GNG2: variants seen among roughly 807,000 people sequenced by gnomAD.
The protein encoded by GNG2 is guanine nucleotide-binding protein G(I)/G(S)/G(O) subunit gamma-2.
A neutral mutation model predicts 5.5 loss-of-function variants in GNG2; 5 were observed. The observed-to-expected ratio is 0.91, with a 90% CI of 0.48 to 1.92. The LOEUF is 1.92. Among genes scored for constraint, GNG2 ranks in the 30% most tolerant of loss-of-function variants. GNG2 has a pLI of 0.01. For synonymous variants in GNG2, 28 were observed against 32.0 expected, an observed-to-expected ratio of 0.88 and a Z score of 0.42; for missense variants, 55 against 88.4, an observed-to-expected ratio of 0.62 and a Z score of 1.52.
At chr14:51,866,307 C>G (rs1336636985) in intron 1 of GNG2, among the ~76,000 whole-genome samples, 1 of 152,170 alleles carries the variant, frequency 6.6e-6, no homozygotes, top group Non-Finnish European at 1.5e-5. Flanking sequence ...GCTGTTCTTT[C>G]AAAATTCTTT....
At chr14:51,828,419 A>G (rs1260106014) in intron 2 of GNG2, among the ~76,000 whole-genome samples, 1 of 152,188 alleles carries the variant, frequency 6.6e-6, no homozygotes, top group Non-Finnish European at 1.5e-5. Context: ...AACCTTGACA[A>G]CTTTTTGATA....
At chr14:51,932,684 C>T (rs559971017) in intron 2 of GNG2, among the ~76,000 whole-genome samples, 6 of 152,094 alleles carry the variant, frequency 3.9e-5, no homozygotes, top group Admixed American at 2.6e-4. Context: ...AGCAGATCAC[C>T]GAAGTCAAGT....
chr14:51,842,666 A>ATTTT (rs35183845), intron 2 of GNG2, among the ~76,000 whole-genome samples: 1 of 143,526 alleles, frequency 7.0e-6, no homozygotes, highest in Non-Finnish European at 1.5e-5. Context: ...ATTTGCCAGA[A>ATTTT]TTTTTTTTTT....
chr14:51,832,152 C>T (rs969558047), intron 2 of GNG2, among the ~76,000 whole-genome samples: 1 of 151,754 alleles, frequency 6.6e-6, no homozygotes, highest in Admixed American at 6.6e-5. Flanking sequence ...TGGTGGCACA[C>T]ACATATGGTT....
chr14:51,938,704 C>T (rs1004032424), intron 2 of GNG2, among the ~76,000 whole-genome samples: 1 of 152,176 alleles, frequency 6.6e-6, no homozygotes, highest in African/African-American at 2.4e-5. Context: ...GTGAATTTCA[C>T]ACAAGGGGGT....
intron 2 of GNG2, among the ~76,000 whole-genome samples, chr14:51,910,496 G>A (rs1007085522): frequency 6.6e-6 from 1 of 152,176 alleles, no homozygotes; most frequent in Non-Finnish European, 1.5e-5. Flanking sequence ...GGAAGGAAGG[G>A]GGAAAGTGAC....
intron 2 of GNG2, among the ~76,000 whole-genome samples, chr14:51,847,659 G>T (rs17124622): frequency 0.012 from 1,776 of 152,124 alleles, 37 homozygotes; most frequent in African/African-American, 0.041. Flanking sequence ...CCACCTACAG[G>T]CGGGTTGAGT....
intron 2 of GNG2, among the ~76,000 whole-genome samples, chr14:51,938,864 G>A (rs930683439): frequency 1.3e-5 from 2 of 152,214 alleles, no homozygotes; most frequent in Non-Finnish European, 2.9e-5. Flanking sequence ...GGGGTTGCCT[G>A]AGGTTTGAGA....
chr14:51,959,874 A>T (rs1051622786), intron 3 of GNG2, among the ~76,000 whole-genome samples: 1 of 152,070 alleles, frequency 6.6e-6, no homozygotes, highest in African/African-American at 2.4e-5. Flanking sequence ...AACATTCTCT[A>T]TATAACCACT....
intron 2 of GNG2, among the ~76,000 whole-genome samples, chr14:51,926,726 G>C (rs1161773657): frequency 6.6e-6 from 1 of 152,128 alleles, no homozygotes; most frequent in Admixed American, 6.5e-5. Context: ...GAATGGAAGC[G>C]TCTTAGCAGG....
At chr14:51,849,246 C>T (rs1176668649) in intron 2 of GNG2, among the ~76,000 whole-genome samples, 1 of 152,194 alleles carries the variant, frequency 6.6e-6, no homozygotes, top group Admixed American at 6.5e-5. Context: ...CACAGGGCAA[C>T]TTGAGTGACC....
intron 1 of GNG2, among the ~76,000 whole-genome samples, 177 bp downstream of exon 1, chr14:51,860,967 A>T (rs925397356): frequency 7.9e-5 from 12 of 152,132 alleles, no homozygotes; most frequent in African/African-American, 2.4e-5. Context: ...CATTTGATTT[A>T]AAAAAACCTC....
At chr14:51,930,104 C>T (rs1051341886) in intron 2 of GNG2, among the ~76,000 whole-genome samples, 1 of 152,224 alleles carries the variant, frequency 6.6e-6, no homozygotes, top group Non-Finnish European at 1.5e-5. Context: ...GCCAAGCAAA[C>T]GATGCCCTAA....
At chr14:51,851,740 T>C (rs1881917998) in intron 2 of GNG2, among the ~76,000 whole-genome samples, 1 of 152,234 alleles carries the variant, frequency 6.6e-6, no homozygotes, top group African/African-American at 2.4e-5. Context: ...CTGAACACTT[T>C]AATTTCTTCT....
intron 2 of GNG2, among the ~76,000 whole-genome samples, chr14:51,835,838 T>C (rs1412724623): frequency 6.6e-6 from 1 of 152,184 alleles, no homozygotes; most frequent in East Asian, 1.9e-4. Flanking sequence ...TTATTACTAA[T>C]TTTCAGGTCT....
Position 51,877,276 on chromosome 14 carries a change from C to T in GNG2, c.-70-341C>T, listed in dbSNP as rs570596292. Among the ~76,000 whole-genome samples the T allele has an allele frequency of 5.3e-5, 8 of 152,292 alleles. No homozygotes were observed. In the South Asian group the frequency reaches 8.3e-4, roughly 16 times the overall value. Reference sequence around the variant, plus strand: ...GATTAGGTCAGGAGGAAAGATTGTTCTTATTCATTCCATCGGTATACAGCC... The same window carrying T: ...GATTAGGTCAGGAGGAAAGATTGTTTTTATTCATTCCATCGGTATACAGCC... On this transcript the variant is annotated intron_variant, in intron 1 of 3. Transcript: ENST00000556766.
chr14:51,948,662 A>G (rs956460938), intron 2 of GNG2, among the ~76,000 whole-genome samples: 2 of 152,202 alleles, frequency 1.3e-5, no homozygotes, highest in African/African-American at 4.8e-5. Context: ...TAACCATGCT[A>G]ATGAAATAAT....
intron 3 of GNG2, among the ~76,000 whole-genome samples, chr14:51,951,163 TC>T (rs1888954729): frequency 6.6e-6 from 1 of 152,240 alleles, no homozygotes; most frequent in South Asian, 2.1e-4. Context: ...GTATTTTGGG[TC>T]TAACACTTCT....
upstream of GNG2, among the ~76,000 whole-genome samples, chr14:51,858,687 C>T (rs1233005272): frequency 6.6e-6 from 1 of 152,130 alleles, no homozygotes; most frequent in African/African-American, 2.4e-5. Context: ...TGGCATCATG[C>T]ATATTTAAAT....
Sources: allele counts gnomAD v4.1 joint callset (sites outside exome capture counted in the v4.1 genomes callset), GRCh38; gene constraint gnomAD v4.1.1; transcripts MANE v1.5; gene names NCBI Gene and HGNC (gene_info 2026-07-23, HGNC 2026-07-21).